The following NAALADL2 variants were observed in gnomAD, a reference collection of about 807,000 sequenced individuals.
NAALADL2 encodes inactive N-acetylated-alpha-linked acidic dipeptidase-like protein 2.
In NAALADL2, 76 loss-of-function variants were observed where a neutral mutation model predicts 87.2. That is an observed-to-expected ratio of 0.87 (90% confidence interval 0.72 to 1.05). NAALADL2 has a LOEUF of 1.05. Ranked by LOEUF, NAALADL2 falls within the 50% of genes least tolerant of loss-of-function variation. The probability of loss-of-function intolerance (pLI) is 0.00; values close to 1 mark genes in which losing one functional copy is unlikely to be tolerated. For synonymous variants in NAALADL2, 354 were observed against 331.0 expected (o/e 1.07, Z -0.75); for missense variants, 1,089 against 945.8 (o/e 1.15, Z -1.99).
intron 2 of NAALADL2, 52 bp downstream of exon 2, chr3:175,097,343 T>A: frequency 6.6e-7 from 1 of 1,519,008 alleles, no homozygotes. Context: ...GGGAAAAATG[T>A]CTCACAGGGG....
chr3:175,113,355 C>T (rs947212905), intron 2 of NAALADL2, among the ~76,000 whole-genome samples: 16 of 151,348 alleles, frequency 1.1e-4, no homozygotes, highest in African/African-American at 3.2e-4. Flanking sequence ...AAGACAGATG[C>T]CAAAATGAGA....
chr3:175,667,241 A>AAAAGAAAGAAAG lies in NAALADL2; in HGVS notation c.1896+39868_1896+39879dup, dbSNP rs1553945220. On this transcript the variant is annotated intron_variant, in intron 11 of 13. Transcript: ENST00000454872. ...AAAGAAAGAAAGAAAGAAAGAAAGA[A>AAAAGAAAGAAAG]AAAGAAAGAAAGAAAGAAAGAAAGG... is the stretch of plus-strand genomic sequence containing the variant. Among the ~76,000 whole-genome samples the AAAAGAAAGAAAG allele has an allele frequency of 5.4e-4, 50 of 91,786 alleles. 2 individuals are homozygous for AAAAGAAAGAAAG. Among genetic ancestry groups the AAAAGAAAGAAAG allele is most frequent in the African/African-American group, 2.1e-3 (41 of 19,718 alleles). 60.2% of individuals were successfully genotyped at this position (91,786 alleles called of 152,430 possible).
chr3:174,999,636 G>C (rs1019780799), intron 1 of NAALADL2, among the ~76,000 whole-genome samples: 1 of 152,154 alleles, frequency 6.6e-6, no homozygotes, highest in African/African-American at 2.4e-5. Flanking sequence ...AGAGATGTTT[G>C]TGGAATGCTA....
chr3:175,369,727 G>T, intron 5 of NAALADL2: 1 of 152,222 alleles, frequency 6.6e-6, no homozygotes, highest in East Asian at 1.9e-4. Context: ...GATATGCTTA[G>T]TAAAAGTCCC....
At chr3:175,187,210 C>CT (rs550976378) in intron 2 of NAALADL2, among the ~76,000 whole-genome samples, 1 of 152,068 alleles carries the variant, frequency 6.6e-6, no homozygotes, top group Non-Finnish European at 1.5e-5. Flanking sequence ...TTCATAAACA[C>CT]TTTATAAACA....
Position 175,059,871 on chromosome 3 carries a change from T to C in NAALADL2, c.44-36919T>C, listed in dbSNP as rs1713061339. On this transcript the variant is annotated intron_variant, in intron 1 of 13. Transcript: ENST00000454872. ...GAGAATTGATGTGACTTTACCAACA[T>C]AGGGCAAGACACGAGTTCACAGGCA... The C allele has an allele frequency of 1.5e-5, 5 of 332,616 alleles. No homozygotes were observed. In the South Asian group the frequency reaches 1.5e-4, roughly 10 times the overall value. 20.6% of individuals were successfully genotyped at this position (332,616 alleles called of 1,614,324 possible). A position where few individuals can be genotyped will look rare whatever the true frequency, so the allele number is the denominator to read the frequency against.
intron 1 of NAALADL2, among the ~76,000 whole-genome samples, chr3:175,043,372 G>A (rs1754307210): frequency 6.6e-6 from 1 of 152,072 alleles, no homozygotes; most frequent in South Asian, 2.1e-4. Context: ...GTAAGTAGCT[G>A]GGATTACAGG....
intron 2 of NAALADL2, among the ~76,000 whole-genome samples, chr3:174,701,021 G>T: frequency 6.6e-6 from 1 of 152,178 alleles, no homozygotes; most frequent in African/African-American, 2.4e-5. Context: ...TAAAGAAACA[G>T]TCATGAAGGG....
At chr3:175,155,634 T>C (rs1460602161) in intron 2 of NAALADL2, among the ~76,000 whole-genome samples, 1 of 152,136 alleles carries the variant, frequency 6.6e-6, no homozygotes, top group Non-Finnish European at 1.5e-5. Flanking sequence ...TACAGCTATG[T>C]ATGTGTGATT....
At chr3:174,441,391 G>A (rs966518575) in intron 1 of NAALADL2, among the ~76,000 whole-genome samples, 4 of 152,292 alleles carry the variant, frequency 2.6e-5, no homozygotes, top group Non-Finnish European at 4.4e-5. Context: ...GCAGCTCCGA[G>A]TCCCCGCTTC....
chr3:174,979,911 TC>T (rs1370938611), intron 1 of NAALADL2, among the ~76,000 whole-genome samples: 1 of 152,072 alleles, frequency 6.6e-6, no homozygotes. Context: ...TTTCAATGAC[TC>T]CCCATTACCA....
intron 11 of NAALADL2, among the ~76,000 whole-genome samples, chr3:175,686,686 C>T (rs529308461): frequency 5.3e-5 from 8 of 152,082 alleles, no homozygotes; most frequent in South Asian, 2.1e-4. Context: ...TTATTTTCTT[C>T]GTGAAGATTT....
chr3:175,472,036 A>T (rs1375324757), intron 9 of NAALADL2, among the ~76,000 whole-genome samples: 2 of 152,112 alleles, frequency 1.3e-5, no homozygotes, highest in African/African-American at 4.8e-5. Context: ...TAAAAAATAT[A>T]TGAATTTAGC....
At chr3:175,614,603 A>C (rs1725095887) in intron 10 of NAALADL2, among the ~76,000 whole-genome samples, 1 of 152,198 alleles carries the variant, frequency 6.6e-6, no homozygotes, top group African/African-American at 2.4e-5. Flanking sequence ...TATTATATCT[A>C]TAGAAAAGTG....
intron 3 of NAALADL2, among the ~76,000 whole-genome samples, chr3:175,254,508 T>C (rs1041121537): frequency 6.6e-6 from 1 of 152,206 alleles, no homozygotes; most frequent in Non-Finnish European, 1.5e-5. Flanking sequence ...CTCTGATGTA[T>C]GCCTGTATAC....
chr3:175,544,295 T>A (rs1712903403), intron 9 of NAALADL2, among the ~76,000 whole-genome samples: 1 of 152,196 alleles, frequency 6.6e-6, no homozygotes, highest in South Asian at 2.1e-4. Context: ...CTAGACAAAT[T>A]GGTTTGCAGG....
At chr3:175,279,787 AGTGTGT>A (rs34107349) in intron 4 of NAALADL2, among the ~76,000 whole-genome samples, 6,823 of 125,568 alleles carry the variant, frequency 0.054, 214 homozygotes, top group Middle Eastern at 0.099. Flanking sequence ...ATAGTGTGTG[AGTGTGT>A]GTGTGTGTGT....
rs10663163 is a variant in NAALADL2 at position 175,628,609 on chromosome 3, C to CTATGTG, written c.1896+1224_1896+1225insATGTGT. ...TTTTAGTACCATTAAAATAATCTCTCTCTCTATGTATATATATATATATAT... is the reference window on the plus strand; with the variant it reads ...TTTTAGTACCATTAAAATAATCTCTCTATGTGTCTCTATGTATATATATATATATAT... On this transcript the variant is annotated intron_variant, in intron 11 of 13. Transcript: ENST00000454872. Among the ~76,000 whole-genome samples the CTATGTG allele has an allele frequency of 3.0e-3, 393 of 132,230 alleles. 8 individuals carry two copies. The highest frequency in any genetic ancestry group is 9.4e-3 in the African/African-American group (323 of 34,360). 86.7% of individuals were successfully genotyped at this position (132,230 alleles called of 152,430 possible). A position where few individuals can be genotyped will look rare whatever the true frequency, so the allele number is the denominator to read the frequency against.
chr3:175,020,951 A>G (rs1751481754), intron 1 of NAALADL2, among the ~76,000 whole-genome samples: 1 of 152,070 alleles, frequency 6.6e-6, no homozygotes, highest in Non-Finnish European at 1.5e-5. Flanking sequence ...CAAAATTATA[A>G]TGCATTTTGT....
Sources: gnomAD v4.1 joint callset for allele counts (sites outside exome capture counted in the v4.1 genomes callset) on GRCh38, gnomAD v4.1.1 for gene constraint, MANE v1.5 for transcripts, NCBI Gene and HGNC (gene_info 2026-07-23, HGNC 2026-07-21) for gene names.